The following TASP1 variants were observed in gnomAD, a reference collection of about 807,000 sequenced individuals.
The protein encoded by TASP1 is threonine aspartase 1.
A neutral mutation model predicts 56.6 loss-of-function variants in TASP1; 16 were observed. The observed-to-expected ratio is 0.28, with a 90% CI of 0.19 to 0.43. TASP1 has a LOEUF of 0.43. TASP1 is among the 20% of genes least tolerant of loss of function. TASP1 has a pLI of 1.00. For missense variants in TASP1, 393 were observed against 511.6 expected (o/e 0.77, Z 2.24); for synonymous variants, 179 against 184.2 (o/e 0.97, Z 0.23).
the TASP1 span, chr20:13,288,480 T>C: frequency 6.4e-7 from 1 of 1,554,336 alleles, no homozygotes; most frequent in East Asian, 2.3e-5. Context: ...GGCTGCTTGA[T>C]GGGGAGATTG....
chr20:13,385,220 T>G (rs2123534896), downstream of TASP1, among the ~76,000 whole-genome samples: 1 of 152,350 alleles, frequency 6.6e-6, no homozygotes, highest in Admixed American at 6.5e-5. Flanking sequence ...ATGAAACGCC[T>G]TTAGCTAAAG....
chr20:13,585,794 C>A (rs1271418772), intron 5 of TASP1, among the ~76,000 whole-genome samples: 4 of 152,142 alleles, frequency 2.6e-5, no homozygotes, highest in Non-Finnish European at 5.9e-5. Context: ...CTTTTGAAAA[C>A]CGGCAGTATC....
chr20:13,323,064 C>A, the TASP1 span, among the ~76,000 whole-genome samples: 1 of 152,002 alleles, frequency 6.6e-6, no homozygotes, highest in East Asian at 1.9e-4. Flanking sequence ...GGGAAGACAC[C>A]ACCCAGGCAT....
At chr20:13,440,106 C>G (rs2043163426) in intron 11 of TASP1, among the ~76,000 whole-genome samples, 2 of 152,172 alleles carry the variant, frequency 1.3e-5, no homozygotes. Context: ...ACAACAGCAA[C>G]ACCTGAAGCT....
intron 13 of TASP1, among the ~76,000 whole-genome samples, chr20:13,415,101 A>G (rs1035369216): frequency 2.0e-5 from 3 of 152,174 alleles, no homozygotes; most frequent in African/African-American, 7.2e-5. Flanking sequence ...TAAATTTTAA[A>G]TATTTTAAGA....
chr20:13,527,036 A>G (rs1218607809), intron 10 of TASP1, among the ~76,000 whole-genome samples: 3 of 152,124 alleles, frequency 2.0e-5, no homozygotes, highest in Non-Finnish European at 4.4e-5. Flanking sequence ...AGAACAGCTG[A>G]AATCATGAGA....
intron 8 of TASP1, among the ~76,000 whole-genome samples, chr20:13,535,504 C>T (rs113208800): frequency 8.5e-5 from 13 of 152,206 alleles, no homozygotes; most frequent in African/African-American, 2.9e-4. Context: ...GAAATGAATG[C>T]TATATTCCTA....
intron 10 of TASP1, among the ~76,000 whole-genome samples, chr20:13,511,892 G>C (rs2044344285): frequency 6.6e-6 from 1 of 151,862 alleles, no homozygotes; most frequent in Non-Finnish European, 1.5e-5. Context: ...TGCTGAGAAT[G>C]ATGGTTTCCA....
Position 13,546,163 on chromosome 20 carries a change from C to G in TASP1, c.676-12022G>C, listed in dbSNP as rs528421072. ...ATAAATAGCATTCAATAAATGTTTG[C>G]TGGTGATAATGTTGAGGCCAAAGGT... On this transcript the variant is annotated intron_variant, in intron 8 of 13. Transcript: ENST00000337743. Among the ~76,000 whole-genome samples the G allele has an allele frequency of 1.3e-3, 200 of 151,088 alleles. 1 individual carries two copies. Among genetic ancestry groups the G allele is most frequent in the African/African-American group, 4.5e-3 (186 of 41,212 alleles).
intron 1 of TASP1, among the ~76,000 whole-genome samples, chr20:13,637,287 G>A (rs1265142544): frequency 6.6e-6 from 1 of 152,140 alleles, no homozygotes; most frequent in Admixed American, 6.6e-5. Flanking sequence ...ATAACCTGCT[G>A]GTGGGAATGT....
the TASP1 span, among the ~76,000 whole-genome samples, chr20:13,292,893 T>C: frequency 6.6e-6 from 1 of 152,068 alleles, no homozygotes. Context: ...CTCCATCCCC[T>C]GCAAAAATTT....
rs544022876 is a variant in TASP1, at chr20:13,494,868, T to A, written c.875-11531A>T. ...AATTTTAACCAGAAAGTCCTATAAATAGTAAGTCACCAAGCACATCCCAAC... is the reference window on the plus strand; with the variant it reads ...AATTTTAACCAGAAAGTCCTATAAAAAGTAAGTCACCAAGCACATCCCAAC... On this transcript the variant is annotated intron_variant, in intron 10 of 13. Transcript: ENST00000337743. Among the ~76,000 whole-genome samples the A allele has an allele frequency of 9.2e-5, 14 of 151,898 alleles. No homozygotes were observed. In the South Asian group the frequency reaches 2.9e-3, roughly 32 times the overall value.
intron 12 of TASP1, among the ~76,000 whole-genome samples, chr20:13,428,433 G>A (rs757570473): frequency 6.6e-6 from 1 of 152,020 alleles, no homozygotes; most frequent in Non-Finnish European, 1.5e-5. Flanking sequence ...ACTATATACG[G>A]CAGCCTCAAT....
intron 8 of TASP1, among the ~76,000 whole-genome samples, chr20:13,558,083 ATATC>A (rs1177455661): frequency 1.3e-5 from 2 of 152,238 alleles, no homozygotes; most frequent in African/African-American, 4.8e-5. Context: ...CACCAAGAAA[ATATC>A]TATCACTACA....
At chr20:13,428,092 C>T (rs1012130042) in intron 12 of TASP1, among the ~76,000 whole-genome samples, 6 of 152,028 alleles carry the variant, frequency 3.9e-5, no homozygotes, top group Admixed American at 2.6e-4. Context: ...TTCTAAGAGC[C>T]CATATGCCTC....
the TASP1 span, among the ~76,000 whole-genome samples, chr20:13,225,820 C>A: frequency 6.6e-6 from 1 of 152,042 alleles, no homozygotes; most frequent in Admixed American, 6.6e-5. Context: ...TAATCAGATA[C>A]TCAGATTAGT....
chr20:13,572,891 T>A (rs1171996832), intron 6 of TASP1, among the ~76,000 whole-genome samples: 8 of 152,076 alleles, frequency 5.3e-5, no homozygotes, highest in Admixed American at 5.2e-4. Flanking sequence ...CTAAAATGTG[T>A]AATTTAGTGG....
intron 10 of TASP1, among the ~76,000 whole-genome samples, chr20:13,513,935 T>TA (rs932965481): frequency 3.9e-5 from 6 of 152,076 alleles, no homozygotes; most frequent in African/African-American, 1.4e-4. Flanking sequence ...AAAACAAAGA[T>TA]AAAAAATCTT....
chr20:13,328,273 G>A, the TASP1 span, among the ~76,000 whole-genome samples: 12 of 152,258 alleles, frequency 7.9e-5, no homozygotes, highest in South Asian at 4.1e-4. Flanking sequence ...TCTCACGCCC[G>A]TCAGAATGGT....
Sources: gnomAD v4.1 joint callset for allele counts (sites outside exome capture counted in the v4.1 genomes callset) on GRCh38, gnomAD v4.1.1 for gene constraint, MANE v1.5 for transcripts, NCBI Gene and HGNC (gene_info 2026-07-23, HGNC 2026-07-21) for gene names.